Variants in DERL1 observed in about 807,000 individuals in gnomAD.
DERL1 encodes derlin-1.
A neutral mutation model predicts 41.6 loss-of-function variants in DERL1; 24 were observed. The observed-to-expected ratio is 0.58, with a 90% CI of 0.42 to 0.81. The LOEUF (loss-of-function observed/expected upper bound fraction) is 0.81, where lower values mean the gene tolerates loss of function less well. Among genes scored for constraint, DERL1 ranks in the 30% least tolerant of loss-of-function variants. DERL1 has a pLI of 0.00. For missense variants in DERL1, 260 were observed against 314.3 expected, an observed-to-expected ratio of 0.83 and a Z score of 1.31; for synonymous variants, 124 against 112.5, an observed-to-expected ratio of 1.10 and a Z score of -0.65.
chr8:123,038,946 C>T (rs1380269494), intron 1 of DERL1, among the ~76,000 whole-genome samples: 1 of 152,202 alleles, frequency 6.6e-6, no homozygotes, highest in East Asian at 1.9e-4. Flanking sequence ...CAAAACCTAA[C>T]TCTTCATCCA....
rs117889808 is a variant in DERL1, at chr8:123,015,612, C to T, written c.618-27G>A. On this transcript the variant is annotated intron_variant, in intron 7 of 7. Coordinates refer to ENST00000259512, the MANE Select transcript of DERL1 (RefSeq NM_024295.6). ...TGGTGCAGAAAGACGGGGACACAAA[C>T]GGAGAGAAGAGAACAAAGTCACTTC... is the stretch of plus-strand genomic sequence containing the variant. The T allele has an allele frequency of 7.2e-3, 11,474 of 1,599,308 alleles. 63 individuals carry two copies. Among genetic ancestry groups the T allele is most frequent in the Non-Finnish European group, 8.9e-3 (10,446 of 1,172,076 alleles).
chr8:123,042,278 A>C lies in DERL1; in HGVS notation c.-156T>G. The stretch of plus-strand genomic sequence containing the variant: ...AGACGGGCGGACGTGGCGCCACCGA[A>C]TTCGGACCAGCGAGGCAGCCTTCTG... On this transcript the variant is annotated 5_prime_UTR_variant, in exon 1 of 8. Transcript: ENST00000259512. 1.9e-6 allele frequency: 2 copies of C among 1,033,320 alleles called. No homozygotes were observed. The highest frequency in any genetic ancestry group is 2.6e-6 in the Non-Finnish European group (2 of 755,154). The allele number at this position is 1,033,320 out of a possible 1,614,324, so 64.0% of individuals were successfully genotyped here.
chr8:123,032,976 C>A (rs572512211), intron 1 of DERL1, among the ~76,000 whole-genome samples: 12 of 114,454 alleles, frequency 1.0e-4, no homozygotes, highest in Non-Finnish European at 2.1e-4. Context: ...CAATTCTCCA[C>A]TCAGCCTCCC....
At chr8:123,041,846 C>T (rs1813081170) in intron 1 of DERL1, 124 bp downstream of exon 1, 1 of 1,352,920 alleles carries the variant, frequency 7.4e-7, no homozygotes, top group Non-Finnish European at 9.7e-7. Flanking sequence ...CCCTAAACCG[C>T]CGGCGCCGGA....
At chr8:123,033,298 T>C (rs1265712866) in intron 1 of DERL1, among the ~76,000 whole-genome samples, 1 of 152,244 alleles carries the variant, frequency 6.6e-6, no homozygotes. Context: ...CTAAATGAAT[T>C]AGAACCATTC....
In DERL1 at chr8:123,042,041, C is replaced by A; in HGVS notation, c.82G>T (p.Val28Phe). Residue 28 changes from valine to phenylalanine, a missense_variant, in exon 1 of 8, where the codon GTC becomes TTC. Physicochemically the swap from Val to Phe is conservative, Grantham distance 50. Transcript: ENST00000259512. ...GGGCTGATGAGGCCGAGTTTGCCGA[C>A]CAAGGGCACGGCGACGGTGGCGGCG... The part of the protein sequence containing the change: ...WFAATVAVPL[V>F]GKLGLISPAY... The A allele has an allele frequency of 6.2e-7, 1 of 1,613,954 alleles. No individual in the cohort carries two copies.
chr8:123,016,222 T>G (rs918019617), intron 7 of DERL1: 3 of 152,184 alleles, frequency 2.0e-5, no homozygotes, highest in African/African-American at 7.2e-5. Context: ...ATTAATAAAC[T>G]AAGAGTTCAC....
At chr8:123,016,628 A>G (rs563605599) in intron 7 of DERL1, 1 of 152,308 alleles carries the variant, frequency 6.6e-6, no homozygotes, top group East Asian at 1.9e-4. Flanking sequence ...CCTGTTTTAT[A>G]AACAAGAAAA....
intron 4 of DERL1, 87 bp downstream of exon 4, chr8:123,023,626 A>C: frequency 1.6e-6 from 2 of 1,279,568 alleles, no homozygotes; most frequent in Non-Finnish European, 2.2e-6. Context: ...CCCCATAGTT[A>C]ATGCAATTTC....
At chr8:123,019,617 C>T (rs1319169316) in intron 6 of DERL1, among the ~76,000 whole-genome samples, 1 of 152,146 alleles carries the variant, frequency 6.6e-6, no homozygotes, top group Non-Finnish European at 1.5e-5. Flanking sequence ...GGGGAAGTTG[C>T]AAAGCATGCT....
intron 7 of DERL1, 198 bp downstream of exon 7, chr8:123,018,997 G>A (rs936903104): frequency 5.7e-5 from 34 of 597,130 alleles, no homozygotes; most frequent in Non-Finnish European, 9.9e-5. Context: ...GGCTAAAAGA[G>A]TAACAGGAAG....
rs373481187 is a variant in DERL1 at position 123,042,003 on chromosome 8, G to A, written c.120C>T (p.Phe40=). The A allele has an allele frequency of 9.9e-5, 160 of 1,613,804 alleles. No homozygotes were observed. The highest frequency in any genetic ancestry group is 2.2e-4 in the Admixed American group (13 of 59,996). Residue 40 remains phenylalanine (F), a synonymous_variant, in exon 1 of 8, where the codon TTC becomes TTT. Coordinates refer to ENST00000259512, the MANE Select transcript of DERL1 (RefSeq NM_024295.6). ...GATAAAGGAAGGCTTCGGGCCAGAG[G>A]AAGAGGTAGGCCGGGCTGATGAGGC... ...KLGLISPAYL[F]LWPEAFLYRF...
chr8:123,023,870 T>C (rs1812622930), intron 3 of DERL1, 131 bp from the exon 4 acceptor site: 5 of 989,766 alleles, frequency 5.1e-6, no homozygotes, highest in Non-Finnish European at 7.2e-6. Context: ...GTAATCTCTG[T>C]ACTTTGGAAG....
At chr8:123,031,649 G>A (rs1033671310) in intron 1 of DERL1, among the ~76,000 whole-genome samples, 4 of 152,102 alleles carry the variant, frequency 2.6e-5, no homozygotes, top group African/African-American at 9.7e-5. Flanking sequence ...GCTGATCAGT[G>A]TCTTGTATTT....
At position 123,014,931 on chromosome 8, in the gene DERL1, A is replaced by C. The variant is rs1486558313; in HGVS notation, c.*516T>G. 1.3e-5 allele frequency: 2 copies of C among 152,238 alleles called. No individual in the cohort carries two copies. Among genetic ancestry groups the C allele is most frequent in the Admixed American group, 6.5e-5 (1 of 15,276 alleles). The allele number at this position is 152,238 out of a possible 1,614,324, so 9.4% of individuals were successfully genotyped here. On this transcript the variant is annotated 3_prime_UTR_variant, in exon 8 of 8. Transcript: ENST00000259512. Reference sequence around the variant, plus strand: ...TACAGTTCTGCCACCAAAGGGGGAAAATTACGTGAATATGATTGTTGTGAC... The same window carrying C: ...TACAGTTCTGCCACCAAAGGGGGAACATTACGTGAATATGATTGTTGTGAC...
chr8:123,021,301 T>G (rs1278366303), intron 6 of DERL1, 146 bp downstream of exon 6: 1 of 731,142 alleles, frequency 1.4e-6, no homozygotes, highest in Non-Finnish European at 2.3e-6. Flanking sequence ...ATCAATTCAA[T>G]CGAAGTGAAA....
intron 2 of DERL1, 85 bp from the exon 3 acceptor site, chr8:123,025,135 C>A: frequency 7.3e-7 from 1 of 1,377,744 alleles, no homozygotes; most frequent in South Asian, 1.4e-5. Context: ...CAAAAAGTTA[C>A]AGAAAAAGCC....
intron 6 of DERL1, among the ~76,000 whole-genome samples, chr8:123,020,190 G>C (rs1246824864): frequency 6.6e-6 from 1 of 152,208 alleles, no homozygotes; most frequent in Admixed American, 6.5e-5. Flanking sequence ...ATAAGAAATG[G>C]GAGTTCTGGC....
In DERL1 at chr8:123,041,968, A is replaced by C; in HGVS notation, c.153+2T>G. On this transcript the variant is annotated splice_donor_variant, in intron 1 of 7. Transcript: ENST00000259512. LOFTEE classifies it high-confidence loss of function. ...TCCACGCCCCCCGTCTCCGGTAAGT[A>C]CCTGAAAGCGATAAAGGAAGGCTTC... The C allele has an allele frequency of 6.2e-7, 1 of 1,608,266 alleles. No individual in the cohort carries two copies. Among genetic ancestry groups the C allele is most frequent in the Non-Finnish European group, 8.5e-7 (1 of 1,176,202 alleles).
Sources: gnomAD v4.1 joint callset for allele counts (sites outside exome capture counted in the v4.1 genomes callset) on GRCh38, gnomAD v4.1.1 for gene constraint, MANE v1.5 for transcripts, NCBI Gene and HGNC (gene_info 2026-07-23, HGNC 2026-07-21) for gene names.